The following ZNF674 variants were observed in gnomAD, a reference collection of about 807,000 sequenced individuals.
ZNF674 encodes zinc finger protein 674.
ZNF674 carries 2 observed loss-of-function variants against 7.0 expected under a neutral mutation model. The ratio of observed to expected loss-of-function variants is 0.29; its 90% CI spans 0.12 to 0.90. The LOEUF is 0.90. ZNF674 is among the 40% of genes least tolerant of loss of function. The probability of loss-of-function intolerance (pLI) is 0.57; values close to 1 mark genes in which losing one functional copy is unlikely to be tolerated. For missense variants in ZNF674, 297 were observed against 415.5 expected, an observed-to-expected ratio of 0.71 and a Z score of 2.48; for synonymous variants, 103 against 145.2, an observed-to-expected ratio of 0.71 and a Z score of 2.09.
rs775550291 is a variant in ZNF674 at position 46,499,930 on chromosome X, A to G, written c.1644T>C (p.Tyr548=). The G allele has an allele frequency of 8.4e-7, 1 of 1,186,275 alleles. No individual in the cohort carries two copies. Among genetic ancestry groups the G allele is most frequent in the Admixed American group, 2.3e-5 (1 of 43,583 alleles). ...ATGCTTTCCCACAGTCTCTGCATTC[A>G]TAAGGTTTCTCTCCTGTATGAGTTC... The part of the protein sequence containing the change: ...HHRTHTGEKP[Y]ECRDCGKAFS... The change falls in exon 6 of 6, where the codon TAT becomes TAC. Residue 548 remains tyrosine, a synonymous_variant. Coordinates refer to ENST00000683375, the MANE Select transcript of ZNF674 (RefSeq NM_001190417.2).
chrX:46,536,609 T>TA (rs1201582816), intron 3 of ZNF674, among the ~76,000 whole-genome samples: 1 of 103,900 alleles, frequency 9.6e-6, no homozygotes, highest in East Asian at 3.0e-4. Flanking sequence ...AAAAAAAAGT[T>TA]AGACGGGCAT....
At position 46,499,965 on chromosome X, in the gene ZNF674, C is replaced by T. The variant is rs191902082; in HGVS notation, c.1609G>A (p.Val537Met). The T allele has an allele frequency of 1.7e-6, 2 of 1,204,473 alleles. No homozygotes were observed. Among genetic ancestry groups the T allele is most frequent in the African/African-American group, 1.7e-5 (1 of 57,492 alleles). Residue 537 changes from valine to methionine, a missense_variant, in exon 6 of 6, where the codon GTG (valine) becomes ATG (methionine). Transcript: ENST00000683375. The part of the protein sequence containing the change: ...KAFSVKSTLI[V>M]HHRTHTGEKP... Reference sequence around the variant, plus strand: ...TCTCCTGTATGAGTTCTGTGATGCACAATGAGAGTTGATTTCACACTGAAG... The same window carrying T: ...TCTCCTGTATGAGTTCTGTGATGCATAATGAGAGTTGATTTCACACTGAAG...
chrX:46,532,823 C>T (rs1942132508), intron 3 of ZNF674, among the ~76,000 whole-genome samples: 1 of 112,197 alleles, frequency 8.9e-6, no homozygotes, highest in South Asian at 3.7e-4. Flanking sequence ...AATACACCAA[C>T]ACTAAAGATA....
chrX:46,530,165 C>T (rs1308570402), intron 3 of ZNF674, among the ~76,000 whole-genome samples: 2 of 111,809 alleles, frequency 1.8e-5, no homozygotes, highest in East Asian at 2.8e-4. Flanking sequence ...TCAAGCCACT[C>T]GCTGCACCCA....
At chrX:46,514,177 C>T (rs1335662609) in intron 5 of ZNF674, among the ~76,000 whole-genome samples, 2 of 111,643 alleles carry the variant, frequency 1.8e-5, no homozygotes, top group African/African-American at 6.5e-5. Context: ...TTTCTCTCTC[C>T]AATAGGTGAG....
chrX:46,504,055 CAT>C (rs1156911562), intron 5 of ZNF674, among the ~76,000 whole-genome samples: 2 of 110,693 alleles, frequency 1.8e-5, no homozygotes, highest in South Asian at 3.8e-4. Context: ...AAAATACACA[CAT>C]GTGCACACAT....
intron 5 of ZNF674, among the ~76,000 whole-genome samples, chrX:46,526,274 C>T (rs1043877948): frequency 2.7e-5 from 3 of 111,562 alleles, no homozygotes; most frequent in Non-Finnish European, 5.6e-5. Context: ...AGACACATCT[C>T]TGTTCAACTG....
chrX:46,521,935 G>A (rs1941922694), intron 5 of ZNF674, among the ~76,000 whole-genome samples: 1 of 107,884 alleles, frequency 9.3e-6, no homozygotes, highest in African/African-American at 3.4e-5. Context: ...AAAGAAAAGA[G>A]TGCTATGAAT....
At chrX:46,540,643 A>C (rs1330234710) in intron 3 of ZNF674, among the ~76,000 whole-genome samples, 1 of 111,690 alleles carries the variant, frequency 9.0e-6, no homozygotes, top group Middle Eastern at 4.2e-3. Flanking sequence ...AGGATTTCGG[A>C]GGGCAAATTT....
intron 5 of ZNF674, among the ~76,000 whole-genome samples, chrX:46,504,345 AT>A (rs1236103997): frequency 9.8e-4 from 101 of 102,555 alleles, no homozygotes; most frequent in Middle Eastern, 5.0e-3. Context: ...GATCCCTATA[AT>A]TTTTTTTTTT....
chrX:46,539,115 G>A (rs927335999), intron 3 of ZNF674, among the ~76,000 whole-genome samples: 11 of 112,091 alleles, frequency 9.8e-5, no homozygotes, highest in African/African-American at 3.6e-4. Context: ...AGCCTAGGAG[G>A]TCGAAGCTGC....
intron 5 of ZNF674, among the ~76,000 whole-genome samples, chrX:46,527,161 G>A (rs1299707585): frequency 1.8e-5 from 2 of 109,890 alleles, no homozygotes; most frequent in Non-Finnish European, 3.8e-5. Flanking sequence ...CTACTCGGGA[G>A]GCTGAGGCAG....
intron 5 of ZNF674, among the ~76,000 whole-genome samples, chrX:46,522,079 A>C (rs1282206792): frequency 1.9e-5 from 2 of 105,661 alleles, no homozygotes; most frequent in Non-Finnish European, 3.9e-5. Context: ...CTAATCAAGG[A>C]AATGAAAGTT....
chrX:46,539,132 C>G (rs761628804), intron 3 of ZNF674, among the ~76,000 whole-genome samples: 60 of 112,253 alleles, frequency 5.3e-4, no homozygotes, highest in African/African-American at 1.7e-3. Context: ...CTGCAGTGAG[C>G]TGTGATCGTG....
rs147208985 is a variant in ZNF674 at position 46,510,888 on chromosome X, G to A, written c.239-9553C>T. Among the ~76,000 whole-genome samples, 866 of 112,655 alleles carry A rather than the reference G, an allele frequency of 7.7e-3. 6 individuals carry two copies. The highest frequency in any genetic ancestry group is 0.027 in the African/African-American group (825 of 31,102). On this transcript the variant is annotated intron_variant, in intron 5 of 5. Transcript: ENST00000683375. ...GAAAGATATCTTTCAAAATACCACA[G>A]CAGATATCATATTTAATAGTGAAAG...
intron 5 of ZNF674, among the ~76,000 whole-genome samples, chrX:46,503,282 C>G (rs1941468853): frequency 8.9e-6 from 1 of 111,960 alleles, no homozygotes; most frequent in Non-Finnish European, 1.9e-5. Context: ...GATAAATTAT[C>G]ATAAAGAAAG....
At chrX:46,501,908 TTA>T (rs750102635) in intron 5 of ZNF674, among the ~76,000 whole-genome samples, 102 of 103,693 alleles carry the variant, frequency 9.8e-4, no homozygotes, top group Admixed American at 1.5e-3. Flanking sequence ...GCCCTTGCAG[TTA>T]TATATATATA....
intron 5 of ZNF674, among the ~76,000 whole-genome samples, chrX:46,508,160 C>G (rs1346423212): frequency 9.0e-6 from 1 of 110,936 alleles, no homozygotes; most frequent in African/African-American, 3.3e-5. Context: ...ACAGAAAATA[C>G]AAGAAGCTTG....
Position 46,501,074 on chromosome X carries a change from T to C in ZNF674, c.500A>G (p.Asp167Gly). ...QNRSYVRKKD[D>G]GCKAYWKVCL... ...TACTTTCCAATATGCCTTACATCCATCATCTTTCTTTCTTACATAGCTTCT... is the reference window on the plus strand; with the variant it reads ...TACTTTCCAATATGCCTTACATCCACCATCTTTCTTTCTTACATAGCTTCT... Residue 167 changes from aspartate to glycine, a missense_variant, in exon 6 of 6, where the codon GAT becomes GGT. Coordinates refer to ENST00000683375, the MANE Select transcript of ZNF674 (RefSeq NM_001190417.2). 1 of 1,208,202 alleles carries C rather than the reference T, an allele frequency of 8.3e-7. No homozygotes were observed. Among genetic ancestry groups the C allele is most frequent in the Non-Finnish European group, 1.1e-6 (1 of 893,239 alleles).
Sources: allele counts gnomAD v4.1 joint callset (sites outside exome capture counted in the v4.1 genomes callset), GRCh38; gene constraint gnomAD v4.1.1; transcripts MANE v1.5; gene names NCBI Gene and HGNC (gene_info 2026-07-23, HGNC 2026-07-21).